The following CDH23 variants were observed in gnomAD, a reference collection of about 807,000 sequenced individuals.
CDH23 encodes cadherin related 23.
In CDH23, 189 loss-of-function variants were observed where a neutral mutation model predicts 317.1. That is an observed-to-expected ratio of 0.60 (90% confidence interval 0.53 to 0.67). The LOEUF (loss-of-function observed/expected upper bound fraction) is 0.67, where lower values mean the gene tolerates loss of function less well. Ranked by LOEUF, CDH23 falls within the 30% of genes least tolerant of loss-of-function variation. The pLI is 0.00. For synonymous variants in CDH23, 1,839 were observed against 1,876.8 expected, an observed-to-expected ratio of 0.98 and a Z score of 0.52; for missense variants, 4,401 against 4,592.4, an observed-to-expected ratio of 0.96 and a Z score of 1.20.
chr10:71,527,681 G>C (rs1855118374), intron 6 of CDH23, among the ~76,000 whole-genome samples: 1 of 152,220 alleles, frequency 6.6e-6, no homozygotes, highest in Non-Finnish European at 1.5e-5. Context: ...GGCACCAGGA[G>C]TTAGCCAGGC....
chr10:71,538,162 G>A (rs1855802537), intron 6 of CDH23, among the ~76,000 whole-genome samples: 2 of 152,162 alleles, frequency 1.3e-5, no homozygotes, highest in African/African-American at 4.8e-5. Flanking sequence ...GGTCTCCATG[G>A]TCACGTTGCT....
At chr10:71,660,971 A>G (rs1863622676) in intron 14 of CDH23, among the ~76,000 whole-genome samples, 1 of 152,216 alleles carries the variant, frequency 6.6e-6, no homozygotes, top group South Asian at 2.1e-4. Flanking sequence ...TCGAAGCCTC[A>G]TGACAACCTG....
intron 8 of CDH23, among the ~76,000 whole-genome samples, chr10:71,576,438 G>A (rs557933354): frequency 1.3e-5 from 2 of 152,242 alleles, no homozygotes; most frequent in East Asian, 3.9e-4. Flanking sequence ...TAGAGGAGGG[G>A]TAGCTTGCCC....
rs773827025 is a variant in CDH23, at chr10:71,734,263, G to C, written c.4128G>C (p.Leu1376=). The C allele has an allele frequency of 4.3e-6, 7 of 1,611,798 alleles. No individual in the cohort carries two copies. The South Asian group carries it at 4.4e-5, about 10-fold the overall frequency. The change falls in exon 33 of 70, where the codon CTG becomes CTC. Residue 1376 remains leucine, a synonymous_variant. Transcript: ENST00000224721. ...AITGVITVQG[L]VDREKGDFYT... is the part of the protein sequence containing the mutation. ...AGGGTGTGATCACAGTCCAGGGCCT[G>C]GTGGACCGTGAGAAGGGCGACTTCT...
chr10:71,479,265 G>A (rs1851947136), intron 3 of CDH23, among the ~76,000 whole-genome samples: 1 of 152,196 alleles, frequency 6.6e-6, no homozygotes, highest in Non-Finnish European at 1.5e-5. Context: ...TGAAGGGGGA[G>A]CGAAGGCAGA....
chr10:71,493,650 C>T (rs775661760), intron 3 of CDH23, among the ~76,000 whole-genome samples: 22 of 152,166 alleles, frequency 1.4e-4, no homozygotes, highest in Admixed American at 6.5e-4. Flanking sequence ...TGTGGAGCTT[C>T]ACAGCACACG....
In CDH23 at chr10:71,406,213, T is replaced by A. The variant is rs181666958; in HGVS notation, c.-6+8895T>A. On this transcript the variant is annotated intron_variant, in intron 1 of 69. Transcript: ENST00000224721. ...ATTAAATTCATCTTTCTGTTGCTTT[T>A]TGCTTTTGGGAGTTTTCCAAGCAGG... Among the ~76,000 whole-genome samples the A allele has an allele frequency of 2.8e-4, 42 of 152,262 alleles. 1 individual carries two copies. In the East Asian group the frequency reaches 6.2e-3, roughly 22 times the overall value.
At position 71,803,501 on chromosome 10, in the gene CDH23, C is replaced by G. The variant is rs1052121135; in HGVS notation, c.7872+81C>G. On this transcript the variant is annotated intron_variant, in intron 55 of 69. Coordinates refer to ENST00000224721, the MANE Select transcript of CDH23 (RefSeq NM_022124.6). ...CCTAGAAGAGTGGAAGCACCCCACT[C>G]TAAAGGTGGGGAAACTTGGCTTCAG... The G allele has an allele frequency of 6.3e-6, 8 of 1,279,060 alleles. No homozygotes were observed. In the African/African-American group the frequency reaches 7.5e-5, roughly 12 times the overall value. The allele number at this position is 1,279,060 out of a possible 1,614,324, so 79.2% of individuals were successfully genotyped here.
At chr10:71,652,370 C>G (rs1356908139) in intron 14 of CDH23, among the ~76,000 whole-genome samples, 1 of 152,194 alleles carries the variant, frequency 6.6e-6, no homozygotes, top group East Asian at 1.9e-4. Flanking sequence ...TGGCTTTTTT[C>G]CTATGAAATG....
intron 9 of CDH23, among the ~76,000 whole-genome samples, chr10:71,609,211 A>C (rs924388781): frequency 2.6e-5 from 4 of 151,486 alleles, no homozygotes; most frequent in African/African-American, 9.7e-5. Flanking sequence ...CCTGCCCCAC[A>C]TGGCTCGAAG....
intron 11 of CDH23, among the ~76,000 whole-genome samples, chr10:71,621,940 G>A (rs1323923604): frequency 1.3e-5 from 2 of 152,176 alleles, no homozygotes; most frequent in Non-Finnish European, 2.9e-5. Context: ...AAAGGACAGG[G>A]TGGGCTGAAA....
rs148321883 is a variant in CDH23 at position 71,782,733 on chromosome 10, A to T, written c.5369-1554A>T. Among the ~76,000 whole-genome samples, 193 of 152,328 alleles carry T rather than the reference A, an allele frequency of 1.3e-3. 2 individuals carry two copies. Among genetic ancestry groups the T allele is most frequent in the African/African-American group, 4.5e-3 (186 of 41,566 alleles). On this transcript the variant is annotated intron_variant, in intron 41 of 69. Coordinates refer to ENST00000224721, the MANE Select transcript of CDH23 (RefSeq NM_022124.6). ...TGCCTGCATATGGCCGGGGCTTGAG[A>T]CAGGGCTGGGAAACACCTAGAAAGG...
Position 71,741,745 on chromosome 10 carries a change from A to G in CDH23, c.4669A>G (p.Ile1557Val). The G allele has an allele frequency of 6.2e-7, 1 of 1,612,568 alleles. No homozygotes were observed. ...VVQVRATDRD[I>V]GINSVLSYYI... ...CCAGGTGAGAGCCACTGACCGTGAC[A>G]TCGGGATCAACAGTGTTCTGTCCTA... The change falls in exon 38 of 70, where the codon ATC becomes GTC. Residue 1557 changes from isoleucine (I) to valine (V), a missense_variant. This residue lies in a region of CDH23 where 3,068 missense variants were observed against 3,203.3 expected (regional missense o/e 0.96). Transcript: ENST00000224721.
At chr10:71,761,600 G>A (rs1270716103) in intron 38 of CDH23, 4 of 1,583,394 alleles carry the variant, frequency 2.5e-6, no homozygotes, top group East Asian at 2.2e-5. Context: ...GCCCTCACCT[G>A]TCTGCACCTG....
intron 2 of CDH23, among the ~76,000 whole-genome samples, chr10:71,445,755 G>A (rs1446274854): frequency 1.3e-5 from 2 of 148,526 alleles, no homozygotes; most frequent in African/African-American, 5.0e-5. Context: ...GGCTGAGGCA[G>A]GAAAATCGCT....
chr10:71,662,484 G>C (rs942077783), intron 14 of CDH23, among the ~76,000 whole-genome samples: 3 of 152,268 alleles, frequency 2.0e-5, no homozygotes, highest in South Asian at 2.1e-4. Context: ...CTTATGACTT[G>C]TGGTGGGGAC....
At chr10:71,536,078 A>T (rs1855684983) in intron 6 of CDH23, among the ~76,000 whole-genome samples, 1 of 152,270 alleles carries the variant, frequency 6.6e-6, no homozygotes, top group South Asian at 2.1e-4. Flanking sequence ...TTGCTGTGGC[A>T]TGGCCCCTGC....
rs1258554701 is a variant in CDH23, at chr10:71,797,196, G to C, written c.6805G>C (p.Glu2269Gln). Residue 2269 changes from glutamate to glutamine, a missense_variant, in exon 49 of 70, where the codon GAG becomes CAG. This residue lies in a region of CDH23 where 3,068 missense variants were observed against 3,203.3 expected (regional missense o/e 0.96). Transcript: ENST00000224721. ...GATTGACAATGCCAGCGACCTACCA[G>C]AGCGCTCTGTCAGTGTGCCAAATGG... Reference protein sequence around the residue: ...SVIDNASDLPERSVSVPNAKL... With the variant: ...SVIDNASDLPQRSVSVPNAKL... The C allele has an allele frequency of 1.2e-6, 2 of 1,612,948 alleles. No homozygotes were observed. The highest frequency in any genetic ancestry group is 1.7e-6 in the Non-Finnish European group (2 of 1,179,412).
At chr10:71,725,607 G>C (rs1399050378) in intron 30 of CDH23, 87 bp downstream of exon 30, 5 of 1,440,632 alleles carry the variant, frequency 3.5e-6, no homozygotes, top group African/African-American at 1.4e-5. Flanking sequence ...TTGGCGCCTG[G>C]TGTGGGCAGG....
Sources: gnomAD v4.1 joint callset for allele counts (sites outside exome capture counted in the v4.1 genomes callset) on GRCh38, gnomAD v4.1.1 for gene constraint, gnomAD v4.1.1 regional missense constraint, MANE v1.5 for transcripts, NCBI Gene and HGNC (gene_info 2026-07-23, HGNC 2026-07-21) for gene names.